The following PIK3C3 variants were observed in gnomAD, a reference collection of about 807,000 sequenced individuals.
The protein encoded by PIK3C3 is PI3-kinase type 3.
In PIK3C3, 95 loss-of-function variants were observed where a neutral mutation model predicts 126.1. That is an observed-to-expected ratio of 0.75 (90% CI 0.64 to 0.89). The LOEUF is 0.89. Among genes scored for constraint, PIK3C3 ranks in the 40% least tolerant of loss-of-function variants. The pLI is 0.00. For missense variants in PIK3C3, 829 were observed against 1,063.2 expected (o/e 0.78, Z 3.06); for synonymous variants, 374 against 360.0 (o/e 1.04, Z -0.44).
intron 24 of PIK3C3, among the ~76,000 whole-genome samples, chr18:42,079,979 G>GTGTGTA (rs1220424457): frequency 8.4e-6 from 1 of 118,638 alleles, no homozygotes; most frequent in Non-Finnish European, 1.9e-5. Context: ...GTGTGTGTGT[G>GTGTGTA]TGTGTATGTA....
At chr18:41,970,788 T>C (rs1384311570) in intron 4 of PIK3C3, 2 of 462,204 alleles carry the variant, frequency 4.3e-6, no homozygotes, top group East Asian at 7.4e-5. Flanking sequence ...ATCTACTTAC[T>C]ATCTGTATGG....
At chr18:42,023,936 G>C (rs1983439588) in intron 13 of PIK3C3, among the ~76,000 whole-genome samples, 1 of 152,162 alleles carries the variant, frequency 6.6e-6, no homozygotes, top group African/African-American at 2.4e-5. Flanking sequence ...TAGTTGTGCA[G>C]ACAATCCTTT....
At chr18:41,965,962 A>G (rs912941367) in intron 3 of PIK3C3, among the ~76,000 whole-genome samples, 2 of 152,152 alleles carry the variant, frequency 1.3e-5, no homozygotes, top group Non-Finnish European at 2.9e-5. Context: ...AATCTTGGAA[A>G]GTCATCTGTT....
At chr18:42,006,454 C>G (rs1448159346) in intron 10 of PIK3C3, among the ~76,000 whole-genome samples, 2 of 152,146 alleles carry the variant, frequency 1.3e-5, no homozygotes, top group Non-Finnish European at 2.9e-5. Flanking sequence ...TCAGTTCTCT[C>G]TGTTCCCCAG....
chr18:42,005,816 G>A (rs938399387), intron 10 of PIK3C3, among the ~76,000 whole-genome samples: 3 of 145,784 alleles, frequency 2.1e-5, no homozygotes, highest in African/African-American at 7.3e-5. Context: ...AAACACTAAA[G>A]TAAATAGTAT....
intron 24 of PIK3C3, among the ~76,000 whole-genome samples, chr18:42,072,362 G>A (rs1175404869): frequency 2.0e-5 from 3 of 152,016 alleles, no homozygotes; most frequent in South Asian, 4.2e-4. Context: ...ATATCCAAAT[G>A]CTACAAAAGC....
intron 4 of PIK3C3, among the ~76,000 whole-genome samples, chr18:41,983,161 A>T (rs1023684518): frequency 6.6e-6 from 1 of 152,114 alleles, no homozygotes; most frequent in African/African-American, 2.4e-5. Context: ...TTAAGTGCTT[A>T]CTATATTGAA....
Position 41,958,710 on chromosome 18 carries a change from G to GAT in PIK3C3, c.257+959_257+960dup, listed in dbSNP as rs573886864. Among the ~76,000 whole-genome samples the GAT allele has an allele frequency of 3.3e-3, 504 of 151,894 alleles. 8 individuals are homozygous for GAT. Among genetic ancestry groups the GAT allele is most frequent in the Non-Finnish European group, 4.5e-3 (304 of 67,962 alleles). On this transcript the variant is annotated intron_variant, in intron 2 of 24. Coordinates refer to ENST00000262039, the MANE Select transcript of PIK3C3 (RefSeq NM_002647.4). ...ATATATATGTGTGTATATAGATATA[G>GAT]ATATATATGTATATAGATATGTGTG... is the stretch of plus-strand genomic sequence containing the variant.
intron 20 of PIK3C3, among the ~76,000 whole-genome samples, chr18:42,044,931 A>C (rs1227743732): frequency 6.6e-6 from 1 of 152,208 alleles, no homozygotes; most frequent in South Asian, 2.1e-4. Flanking sequence ...TGTTAAGACT[A>C]TATTTAAACT....
chr18:42,065,708 G>T (rs1442382010), intron 23 of PIK3C3, among the ~76,000 whole-genome samples: 1 of 152,100 alleles, frequency 6.6e-6, no homozygotes, highest in Non-Finnish European at 1.5e-5. Flanking sequence ...TCCAAAGATG[G>T]GGATTTTTTT....
rs1986247080 is a variant in PIK3C3, at chr18:42,081,424, G to A, written c.*287G>A. The A allele has an allele frequency of 3.1e-6, 1 of 326,002 alleles. No homozygotes were observed. The highest frequency in any genetic ancestry group is 5.5e-6 in the Non-Finnish European group (1 of 180,324). The allele number at this position is 326,002 out of a possible 1,614,324, so 20.2% of individuals were successfully genotyped here. On this transcript the variant is annotated 3_prime_UTR_variant, in exon 25 of 25. Transcript: ENST00000262039. ...ACATTCTTATTTATGTACATGTTATGAGAGTTCTGGAGGAAGTAATATGTT... is the reference window on the plus strand; with the variant it reads ...ACATTCTTATTTATGTACATGTTATAAGAGTTCTGGAGGAAGTAATATGTT...
Position 41,962,449 on chromosome 18 carries a change from A to G in PIK3C3, c.258-40A>G, listed in dbSNP as rs1432109549. 2.6e-6 allele frequency: 4 copies of G among 1,517,408 alleles called. 1 individual carries two copies. Among genetic ancestry groups the G allele is most frequent in the Admixed American group, 1.9e-5 (1 of 51,854 alleles). The allele number at this position is 1,517,408 out of a possible 1,614,324, so 94.0% of individuals were successfully genotyped here. A position where few individuals can be genotyped will look rare whatever the true frequency, so the allele number is the denominator to read the frequency against. On this transcript the variant is annotated intron_variant, in intron 2 of 24. Transcript: ENST00000262039. ...TTGTTAATTTAAAAGAAAGATATATATATATGTATTTCTGATTTATGTTAA... is the reference window on the plus strand; with the variant it reads ...TTGTTAATTTAAAAGAAAGATATATGTATATGTATTTCTGATTTATGTTAA...
intron 20 of PIK3C3, among the ~76,000 whole-genome samples, chr18:42,046,185 C>A (rs958283145): frequency 6.6e-6 from 1 of 152,110 alleles, no homozygotes; most frequent in Admixed American, 6.6e-5. Flanking sequence ...GTATTCATTC[C>A]TCTGTAAGTG....
intron 21 of PIK3C3, among the ~76,000 whole-genome samples, chr18:42,052,263 T>A (rs1299251398): frequency 1.3e-5 from 2 of 152,172 alleles, no homozygotes; most frequent in African/African-American, 2.4e-5. Context: ...GTTACTTGTT[T>A]AATGGAAATT....
chr18:41,975,375 C>T (rs1336493640), intron 4 of PIK3C3, among the ~76,000 whole-genome samples: 1 of 152,154 alleles, frequency 6.6e-6, no homozygotes, highest in Non-Finnish European at 1.5e-5. Context: ...GTTGCTCTGT[C>T]ACTTTAACTA....
rs530608474 is a variant in PIK3C3 at position 42,020,822 on chromosome 18, T to TA, written c.1484+118dup. ...TATGAGCAATCATCAAAAGTCTAGA[T>TA]ATAGTATTTATATCTAACTGTATTC... On this transcript the variant is annotated intron_variant, in intron 13 of 24. Coordinates refer to ENST00000262039, the MANE Select transcript of PIK3C3 (RefSeq NM_002647.4). 2.3e-3 allele frequency: 1,448 copies of TA among 622,510 alleles called. 6 individuals are homozygous for TA. The highest frequency in any genetic ancestry group is 1.9e-3 in the Non-Finnish European group (670 of 353,136). The allele number at this position is 622,510 out of a possible 1,614,324, so 38.6% of individuals were successfully genotyped here.
chr18:42,086,926 GA>G lies in PIK3C3; in HGVS notation c.*5791del, dbSNP rs1228984445. The G allele has an allele frequency of 1.3e-5, 2 of 152,162 alleles. No homozygotes were observed. The highest frequency in any genetic ancestry group is 2.9e-5 in the Non-Finnish European group (2 of 68,042). The allele number at this position is 152,162 out of a possible 1,614,324, so 9.4% of individuals were successfully genotyped here. On this transcript the variant is annotated 3_prime_UTR_variant, in exon 25 of 25. Coordinates refer to ENST00000262039, the MANE Select transcript of PIK3C3 (RefSeq NM_002647.4). ...CTGAATTCTTCTGCAGGAGATCCAA[GA>G]ACCCTCTCTTGGAGTCTTAACCAGG...
Position 41,969,909 on chromosome 18 carries a change from C to G in PIK3C3, c.402-418C>G, listed in dbSNP as rs9965565. On this transcript the variant is annotated intron_variant, in intron 3 of 24. Transcript: ENST00000262039. ...AGTACAGGCAGTTTGACTATATAGT[C>G]TACTGTAATGTCATTTAAAGAAAAC... 7.0e-3 allele frequency among the ~76,000 whole-genome samples: 1,069 copies of G among 152,226 alleles called. 13 individuals are homozygous for G. Among genetic ancestry groups the G allele is most frequent in the African/African-American group, 0.023 (947 of 41,522 alleles).
At chr18:42,000,452 A>T (rs1274967291) in intron 9 of PIK3C3, among the ~76,000 whole-genome samples, 1 of 152,118 alleles carries the variant, frequency 6.6e-6, no homozygotes, top group African/African-American at 2.4e-5. Flanking sequence ...TGACTTAGAG[A>T]ACAGTTTTGG....
Sources: allele counts gnomAD v4.1 joint callset (sites outside exome capture counted in the v4.1 genomes callset), GRCh38; gene constraint gnomAD v4.1.1; transcripts MANE v1.5; gene names NCBI Gene and HGNC (gene_info 2026-07-23, HGNC 2026-07-21).